Variants in MED12L observed in about 807,000 individuals in gnomAD.
MED12L encodes the protein mediator of RNA polymerase II transcription subunit 12-like protein.
In MED12L, 60 loss-of-function variants were observed where a neutral mutation model predicts 281.3. The ratio of observed to expected loss-of-function variants is 0.21; its 90% confidence interval spans 0.17 to 0.26. The LOEUF is 0.26. Among genes scored for constraint, MED12L ranks in the 10% least tolerant of loss-of-function variants. The pLI is 1.00. For synonymous variants in MED12L, 974 were observed against 987.2 expected (o/e 0.99, Z 0.25); for missense variants, 2,146 against 2,680.9 (o/e 0.80, Z 4.41).
chr3:151,160,165 T>G (rs1182800936), intron 8 of MED12L, 64 bp downstream of exon 8: 1 of 1,430,770 alleles, frequency 7.0e-7, no homozygotes, highest in African/African-American at 1.4e-5. Flanking sequence ...GAGTTGGGAA[T>G]GGCATTTTCA....
intron 16 of MED12L, chr3:151,337,704 G>C: frequency 1.9e-6 from 2 of 1,042,186 alleles, no homozygotes; most frequent in East Asian, 2.4e-5. Context: ...TGTTTCTTTA[G>C]AGTCATTATT....
At chr3:151,227,914 C>T (rs1730862506) in intron 16 of MED12L, among the ~76,000 whole-genome samples, 1 of 152,150 alleles carries the variant, frequency 6.6e-6, no homozygotes, top group Admixed American at 6.5e-5. Context: ...CACTAGGTGG[C>T]AGTAGAACGC....
At chr3:151,240,694 GTGATTATTGCTGCTGTTATGTAAA>G (rs1473783322) in intron 16 of MED12L, among the ~76,000 whole-genome samples, 1 of 152,220 alleles carries the variant, frequency 6.6e-6, no homozygotes, top group East Asian at 1.9e-4. Context: ...TTTATACAGT[GTGATTATTGCTGCTGTTATGTAAA>G]TATCCAGTCA....
chr3:151,393,274 G>A (rs1422425462), intron 38 of MED12L, among the ~76,000 whole-genome samples: 1 of 152,178 alleles, frequency 6.6e-6, no homozygotes, highest in Admixed American at 6.5e-5. Flanking sequence ...AGAAAAAGAA[G>A]GGGAAGTAGA....
At chr3:151,392,086 T>C (rs1714306624) in intron 38 of MED12L, among the ~76,000 whole-genome samples, 1 of 152,226 alleles carries the variant, frequency 6.6e-6, no homozygotes, top group Admixed American at 6.5e-5. Context: ...AACTACTTTG[T>C]AAAAGCACAT....
intron 16 of MED12L, 72 bp downstream of exon 16, chr3:151,193,738 T>C: frequency 7.7e-7 from 1 of 1,306,294 alleles, no homozygotes; most frequent in South Asian, 1.4e-5. Flanking sequence ...GAACGTCAGA[T>C]TATTCAACTG....
intron 42 of MED12L, among the ~76,000 whole-genome samples, chr3:151,415,361 G>C (rs1278514652): frequency 6.6e-6 from 1 of 152,214 alleles, no homozygotes; most frequent in Non-Finnish European, 1.5e-5. Context: ...TTTCTTAGAA[G>C]AGGTTCTAGA....
chr3:151,255,902 T>TA (rs1201005633), intron 16 of MED12L, among the ~76,000 whole-genome samples: 1 of 152,200 alleles, frequency 6.6e-6, no homozygotes, highest in Non-Finnish European at 1.5e-5. Context: ...AAGAGTCTAG[T>TA]ACTACCTGCA....
At chr3:151,209,737 T>C (rs547415544) in intron 16 of MED12L, among the ~76,000 whole-genome samples, 34 of 152,188 alleles carry the variant, frequency 2.2e-4, no homozygotes, top group Non-Finnish European at 4.4e-4. Flanking sequence ...ATGGCAGCGA[T>C]AGGGTTAAGG....
chr3:151,321,562 A>G (rs963562430), intron 16 of MED12L, among the ~76,000 whole-genome samples: 1 of 152,218 alleles, frequency 6.6e-6, no homozygotes, highest in African/African-American at 2.4e-5. Context: ...ATTAGATACA[A>G]TTAAGATCAA....
chr3:151,321,811 T>G (rs1313606415), intron 16 of MED12L, among the ~76,000 whole-genome samples: 1 of 152,196 alleles, frequency 6.6e-6, no homozygotes, highest in Non-Finnish European at 1.5e-5. Context: ...TTTCTTTCCC[T>G]TTTATCACTC....
At chr3:151,099,362 A>G (rs907130670) in intron 2 of MED12L, among the ~76,000 whole-genome samples, 5 of 152,218 alleles carry the variant, frequency 3.3e-5, no homozygotes, top group Non-Finnish European at 5.9e-5. Flanking sequence ...ACATCTCTCA[A>G]TAATTACTGT....
At chr3:151,292,461 A>AT (rs1469005727) in intron 16 of MED12L, among the ~76,000 whole-genome samples, 1 of 150,508 alleles carries the variant, frequency 6.6e-6, no homozygotes, top group African/African-American at 2.5e-5. Flanking sequence ...TAATTTTTGT[A>AT]TTTTTAGTAG....
rs918709186 is a variant in MED12L, at chr3:151,436,575, A to C, written c.*3771A>C. On this transcript the variant is annotated 3_prime_UTR_variant, in exon 45 of 45. Transcript: ENST00000687756. ...TCCTTTTATTTTGCATGTTCATTGT[A>C]AATTTAATACTGTAAATGTATTCAA... is the stretch of plus-strand genomic sequence containing the variant. 1.7e-4 allele frequency: 117 copies of C among 693,570 alleles called. No homozygotes were observed. Among genetic ancestry groups the C allele is most frequent in the East Asian group, 1.3e-4 (5 of 37,758 alleles). The allele number at this position is 693,570 out of a possible 1,614,324, so 43.0% of individuals were successfully genotyped here.
At chr3:151,266,528 G>C (rs11714714) in intron 16 of MED12L, among the ~76,000 whole-genome samples, 68,424 of 152,034 alleles carry the variant, frequency 0.45, 15,656 homozygotes, top group Middle Eastern at 0.66. Context: ...TTTAAAAATC[G>C]CGTTTCAATT....
At chr3:151,273,210 A>G (rs571686876) in intron 16 of MED12L, among the ~76,000 whole-genome samples, 1 of 151,368 alleles carries the variant, frequency 6.6e-6, no homozygotes, top group East Asian at 1.9e-4. Flanking sequence ...AATGACAGCA[A>G]TAAACATTGT....
chr3:151,431,198 G>T (rs757263999), intron 44 of MED12L, among the ~76,000 whole-genome samples: 1 of 152,170 alleles, frequency 6.6e-6, no homozygotes, highest in East Asian at 1.9e-4. Flanking sequence ...TTTTCCATCC[G>T]TGCAATGAGT....
intron 16 of MED12L, chr3:151,294,457 G>A (rs1349349700): frequency 1.9e-6 from 3 of 1,614,170 alleles, no homozygotes; most frequent in East Asian, 4.5e-5. Context: ...GTAGAAAGCA[G>A]GTAAAAAACA....
intron 6 of MED12L, among the ~76,000 whole-genome samples, chr3:151,156,690 A>G (rs1719333121): frequency 6.6e-6 from 1 of 152,204 alleles, no homozygotes; most frequent in Non-Finnish European, 1.5e-5. Flanking sequence ...CCTCCTTTAG[A>G]CCTAAGTTGT....
Sources: allele counts gnomAD v4.1 joint callset (sites outside exome capture counted in the v4.1 genomes callset), GRCh38; gene constraint gnomAD v4.1.1; transcripts MANE v1.5; gene names NCBI Gene and HGNC (gene_info 2026-07-23, HGNC 2026-07-21).